PSKH1: variants seen among roughly 807,000 people sequenced by gnomAD.
PSKH1 encodes serine/threonine-protein kinase H1.
A neutral mutation model predicts 26.7 loss-of-function variants in PSKH1; 12 were observed. The observed-to-expected ratio is 0.45, with a 90% CI of 0.29 to 0.73. PSKH1 has a LOEUF of 0.73. Among genes scored for constraint, PSKH1 ranks in the 30% least tolerant of loss-of-function variants. The pLI, the probability that PSKH1 is intolerant of heterozygous loss-of-function variation, is 0.11. For synonymous variants in PSKH1, 213 were observed against 234.3 expected (o/e 0.91, Z 0.83); for missense variants, 431 against 595.2 (o/e 0.72, Z 2.87).
chr16:67,904,017 T>C (rs1031543476), intron 1 of PSKH1, among the ~76,000 whole-genome samples: 2 of 129,378 alleles, frequency 1.5e-5, no homozygotes, highest in Admixed American at 7.8e-5. Flanking sequence ...ACCCAGCTGA[T>C]TTTTTTTTTT....
chr16:67,904,396 G>T (rs2151311262), intron 1 of PSKH1, among the ~76,000 whole-genome samples: 1 of 151,840 alleles, frequency 6.6e-6, no homozygotes, highest in Admixed American at 6.6e-5. Flanking sequence ...GGTAGAGATG[G>T]GGTTTTACCA....
chr16:67,907,641 T>A (rs1163085969), intron 1 of PSKH1, among the ~76,000 whole-genome samples: 1 of 152,208 alleles, frequency 6.6e-6, no homozygotes, highest in East Asian at 1.9e-4. Flanking sequence ...GGTCCCAAGT[T>A]CACTGGGGTT....
At chr16:67,904,008 C>A (rs1379343422) in intron 1 of PSKH1, among the ~76,000 whole-genome samples, 1 of 150,394 alleles carries the variant, frequency 6.6e-6, no homozygotes, top group African/African-American at 2.5e-5. Context: ...TACCATCATA[C>A]CCAGCTGATT....
chr16:67,914,471 T>G (rs1385870853), intron 2 of PSKH1, among the ~76,000 whole-genome samples: 2 of 148,676 alleles, frequency 1.3e-5, no homozygotes, highest in Admixed American at 6.7e-5. Flanking sequence ...TTTTTTTTCT[T>G]TGAGATGGAG....
At position 67,909,643 on chromosome 16, in the gene PSKH1, G is replaced by A; in HGVS notation, c.894G>A (p.Glu298=). The part of the protein sequence containing the change: ...YILLSGTMPF[E]DDNRTRLYRQ... ...TACTCAGTGGCACCATGCCGTTTGA[G>A]GATGACAACCGTACCCGGCTGTACC... Residue 298 remains glutamate, a synonymous_variant, in exon 2 of 3, where the codon GAG becomes GAA. Transcript: ENST00000291041. This position sits in a 1 kb window ranked among gnomAD's most constrained non-coding sequence, Gnocchi z 7.8. 6.2e-7 allele frequency: 1 copy of A among 1,613,956 alleles called. No individual in the cohort carries two copies. The highest frequency in any genetic ancestry group is 8.5e-7 in the Non-Finnish European group (1 of 1,180,048).
Position 67,909,523 on chromosome 16 carries a change from T to C in PSKH1, c.774T>C (p.Cys258=). The change falls in exon 2 of 3, where the codon TGT becomes TGC. Residue 258 remains cysteine (C), a synonymous_variant. Transcript: ENST00000291041. This position sits in a 1 kb window ranked among gnomAD's most constrained non-coding sequence, Gnocchi z 7.8. ...ATGACTGCTTGATGAAGACCACCTG[T>C]GGCACGCCTGAGTACATTGCCCCAG... ...KGDDCLMKTT[C]GTPEYIAPEV... is the part of the protein sequence containing the mutation. 1.2e-6 allele frequency: 2 copies of C among 1,613,790 alleles called. No individual in the cohort carries two copies. Among genetic ancestry groups the C allele is most frequent in the Non-Finnish European group, 1.7e-6 (2 of 1,180,004 alleles).
At chr16:67,911,078 T>G (rs1249287959) in intron 2 of PSKH1, among the ~76,000 whole-genome samples, 1 of 152,292 alleles carries the variant, frequency 6.6e-6, no homozygotes. Flanking sequence ...GCAGCAAGCA[T>G]GGCAGCTGGA....
chr16:67,912,858 A>G (rs960777356), intron 2 of PSKH1, among the ~76,000 whole-genome samples: 3 of 151,500 alleles, frequency 2.0e-5, no homozygotes, highest in African/African-American at 7.3e-5. Flanking sequence ...ACAAGAGCGA[A>G]ACTCTGTCTC....
At chr16:67,919,408 A>C (rs1187391948) in intron 2 of PSKH1, among the ~76,000 whole-genome samples, 1 of 152,202 alleles carries the variant, frequency 6.6e-6, no homozygotes, top group Non-Finnish European at 1.5e-5. Flanking sequence ...GCTATGAGGC[A>C]TCTGTCCCTA....
At chr16:67,895,006 C>G (rs1471810084) in intron 1 of PSKH1, among the ~76,000 whole-genome samples, 1 of 151,228 alleles carries the variant, frequency 6.6e-6, no homozygotes, top group Non-Finnish European at 1.5e-5. Flanking sequence ...TCACTGCAAC[C>G]TCTACCCCCC....
rs1419699883 is a variant in PSKH1, at chr16:67,927,573, G to A, written c.1206G>A (p.Lys402=). Residue 402 remains lysine (K), a synonymous_variant, in exon 3 of 3, where the codon AAG becomes AAA. Coordinates refer to ENST00000291041, the MANE Select transcript of PSKH1 (RefSeq NM_006742.3). The surrounding 1 kb of genome is among the most constrained non-coding windows in gnomAD (Gnocchi z 5.5). ...TRSSRSTRSN[K]SRRVRERELR... ...CCAGCCGCTCCACACGCTCCAATAA[G>A]TCACGCCGTGTGCGGGAACGGGAGC... 6.2e-7 allele frequency: 1 copy of A among 1,613,528 alleles called. No individual in the cohort carries two copies. The highest frequency in any genetic ancestry group is 8.5e-7 in the Non-Finnish European group (1 of 1,180,034).
At chr16:67,907,400 A>T (rs1238530617) in intron 1 of PSKH1, among the ~76,000 whole-genome samples, 1 of 151,870 alleles carries the variant, frequency 6.6e-6, no homozygotes, top group Admixed American at 6.6e-5. Flanking sequence ...GGCTGGGATT[A>T]CAGGCGCCCA....
At chr16:67,924,421 G>A (rs1380855629) in intron 2 of PSKH1, among the ~76,000 whole-genome samples, 1 of 152,226 alleles carries the variant, frequency 6.6e-6, no homozygotes, top group Admixed American at 6.5e-5. Flanking sequence ...GCTGGTGTGA[G>A]CCTGTGCCAC....
At chr16:67,899,923 C>G (rs566933230) in intron 1 of PSKH1, among the ~76,000 whole-genome samples, 1 of 141,272 alleles carries the variant, frequency 7.1e-6, no homozygotes, top group African/African-American at 2.7e-5. Flanking sequence ...TGCTAGGATT[C>G]CAGGCATGAG....
intron 1 of PSKH1, among the ~76,000 whole-genome samples, chr16:67,906,167 G>A (rs2058155425): frequency 6.6e-6 from 1 of 151,482 alleles, no homozygotes; most frequent in African/African-American, 2.4e-5. Context: ...CCGCCTCCCG[G>A]GTTCAAACAA....
rs142507708 is a variant in PSKH1 at position 67,911,020 on chromosome 16, C to A, written c.957+1314C>A. On this transcript the variant is annotated intron_variant, in intron 2 of 2. Transcript: ENST00000291041. The stretch of plus-strand genomic sequence containing the variant: ...ACAGAAAAAGTGAGGGCTGGTTGGT[C>A]CTTAGGAAGGATGCTGACTGGGTAA... Among the ~76,000 whole-genome samples the A allele has an allele frequency of 1.2e-3, 176 of 152,170 alleles. 2 individuals carry two copies. Among genetic ancestry groups the A allele is most frequent in the Admixed American group, 0.01 (153 of 15,276 alleles).
At chr16:67,910,632 ACCTGGGATTACAGG>A (rs1748479195) in intron 2 of PSKH1, among the ~76,000 whole-genome samples, 1 of 151,910 alleles carries the variant, frequency 6.6e-6, no homozygotes, top group Admixed American at 6.6e-5. Context: ...GGGATTACAG[ACCTGGGATTACAGG>A]CCCGCATCAC....
intron 2 of PSKH1, among the ~76,000 whole-genome samples, chr16:67,918,570 A>G (rs1438419455): frequency 6.7e-6 from 1 of 150,014 alleles, no homozygotes; most frequent in Non-Finnish European, 1.5e-5. Context: ...TGAAGGGGCA[A>G]TGAGCTTGAC....
chr16:67,908,904 T>C lies in PSKH1; in HGVS notation c.155T>C (p.Phe52Ser), dbSNP rs979745952. The C allele has an allele frequency of 1.9e-6, 3 of 1,614,120 alleles. No homozygotes were observed. Among genetic ancestry groups the C allele is most frequent in the Non-Finnish European group, 2.5e-6 (3 of 1,180,026 alleles). ...AGTGTTGGCCCTGTCAAAGCCGGGT[T>C]CCCAGCAGCAAGTCAGTATGCACAC... is the stretch of plus-strand genomic sequence containing the variant. ...VDSVGPVKAG[F>S]PAASQYAHPC... The change falls in exon 2 of 3, where the codon TTC becomes TCC. Residue 52 changes from phenylalanine to serine, a missense_variant. By Grantham distance (155) the Phe-to-Ser change is radical. Transcript: ENST00000291041.
Sources: gnomAD v4.1 joint callset for allele counts (sites outside exome capture counted in the v4.1 genomes callset) on GRCh38, gnomAD v4.1.1 for gene constraint, Gnocchi (gnomAD v3.1) non-coding constraint, MANE v1.5 for transcripts, NCBI Gene and HGNC (gene_info 2026-07-23, HGNC 2026-07-21) for gene names.